The following COA7 variants were observed in gnomAD, a reference collection of about 807,000 sequenced individuals.
COA7 encodes Sel1 repeat containing 1.
COA7 carries 12 observed loss-of-function variants against 21.0 expected under a neutral mutation model. The observed-to-expected ratio is 0.57, with a 90% CI of 0.37 to 0.92. COA7 has a LOEUF of 0.92. Among genes scored for constraint, COA7 ranks in the 40% least tolerant of loss-of-function variants. The pLI, the probability that COA7 is intolerant of heterozygous loss-of-function variation, is 0.01. For synonymous variants in COA7, 95 were observed against 107.4 expected, an observed-to-expected ratio of 0.88 and a Z score of 0.72; for missense variants, 240 against 286.1, an observed-to-expected ratio of 0.84 and a Z score of 1.16.
chr1:52,688,866 C>T lies in COA7; in HGVS notation c.248-698G>A, dbSNP rs535229124. Among the ~76,000 whole-genome samples the T allele has an allele frequency of 3.3e-5, 5 of 152,180 alleles. No homozygotes were observed. The East Asian group carries it at 5.8e-4, about 18-fold the overall frequency. On this transcript the variant is annotated intron_variant, in intron 2 of 2. Coordinates refer to ENST00000371538, the MANE Select transcript of COA7 (RefSeq NM_023077.3). ...TAATAATATCTACCTCATGGGGTTACAGTGAGAACATGGCATATGACAAGC... is the reference window on the plus strand; with the variant it reads ...TAATAATATCTACCTCATGGGGTTATAGTGAGAACATGGCATATGACAAGC...
In COA7 at chr1:52,686,330, C is replaced by G. The variant is rs992769491; in HGVS notation, c.*1390G>C. ...TCATTTACACAGCAAGCCTTCCTTT[C>G]AGGACGGCTGCAAAACGGAAGCCTA... On this transcript the variant is annotated 3_prime_UTR_variant, in exon 3 of 3. Transcript: ENST00000371538. 1.3e-5 allele frequency: 2 copies of G among 152,236 alleles called. No individual in the cohort carries two copies. Among genetic ancestry groups the G allele is most frequent in the African/African-American group, 4.8e-5 (2 of 41,460 alleles). 9.4% of individuals were successfully genotyped at this position (152,236 alleles called of 1,614,324 possible).
intron 2 of COA7, among the ~76,000 whole-genome samples, chr1:52,691,968 T>C (rs917812521): frequency 1.3e-5 from 2 of 152,248 alleles, no homozygotes; most frequent in African/African-American, 4.8e-5. Flanking sequence ...TTACTCACTC[T>C]GGGGGAACCC....
chr1:52,687,259 T>G lies in COA7; in HGVS notation c.*461A>C, dbSNP rs752997220. On this transcript the variant is annotated 3_prime_UTR_variant, in exon 3 of 3. Coordinates refer to ENST00000371538, the MANE Select transcript of COA7 (RefSeq NM_023077.3). ...CAATTACGTAAACCAAGATACGTTC[T>G]GATTTTCAAGCCATCCTAACCAAAA... The G allele has an allele frequency of 6.1e-6, 1 of 165,124 alleles. No individual in the cohort carries two copies. The highest frequency in any genetic ancestry group is 1.6e-4 in the South Asian group (1 of 6,338). 10.2% of individuals were successfully genotyped at this position (165,124 alleles called of 1,614,324 possible). A position where few individuals can be genotyped will look rare whatever the true frequency, so the allele number is the denominator to read the frequency against.
At chr1:52,690,026 C>CA (rs1274702331) in intron 2 of COA7, among the ~76,000 whole-genome samples, 1,519 of 101,272 alleles carry the variant, frequency 0.015, 25 homozygotes, top group African/African-American at 0.047. Flanking sequence ...AACTCTGTCT[C>CA]AAAAAAAAAA....
chr1:52,689,826 C>T (rs947438751), intron 2 of COA7, among the ~76,000 whole-genome samples: 2 of 151,882 alleles, frequency 1.3e-5, no homozygotes, highest in African/African-American at 4.8e-5. Context: ...GAGTTCGAGA[C>T]CAGCCTGGCC....
At chr1:52,694,352 TCGGGAGG>T (rs1406389683) in intron 1 of COA7, among the ~76,000 whole-genome samples, 1 of 151,326 alleles carries the variant, frequency 6.6e-6, no homozygotes, top group Admixed American at 6.6e-5. Flanking sequence ...TCCCAGCTAC[TCGGGAGG>T]CTGAGGCAGA....
At chr1:52,689,608 G>A (rs1457589694) in intron 2 of COA7, among the ~76,000 whole-genome samples, 1 of 152,008 alleles carries the variant, frequency 6.6e-6, no homozygotes, top group Non-Finnish European at 1.5e-5. Context: ...ATACACAGGA[G>A]GCCAGGCGTG....
intron 2 of COA7, among the ~76,000 whole-genome samples, chr1:52,690,667 CATTTATTTATTT>C (rs59584460): frequency 2.7e-5 from 4 of 149,500 alleles, no homozygotes; most frequent in Non-Finnish European, 5.9e-5. Context: ...CATTTATTTA[CATTTATTTATTT>C]ATTTATTTAT....
At position 52,694,461 on chromosome 1, in the gene COA7, G is replaced by GGAAAAAAAAAAAAAAAAAAAAAACAAAA. The variant is rs751466526; in HGVS notation, c.107-1595_107-1594insTTTTGTTTTTTTTTTTTTTTTTTTTTTC. The stretch of plus-strand genomic sequence containing the variant: ...GGCAACAAGAGCAAAACTCCATCTC[G>GGAAAAAAAAAAAAAAAAAAAAAACAAAA]AAAAAAAAAAAAAAAAAAAAGCCCA... On this transcript the variant is annotated intron_variant, in intron 1 of 2. Coordinates refer to ENST00000371538, the MANE Select transcript of COA7 (RefSeq NM_023077.3). Among the ~76,000 whole-genome samples, 2 of 65,000 alleles carry GGAAAAAAAAAAAAAAAAAAAAAACAAAA rather than the reference G, an allele frequency of 3.1e-5. 1 individual carries two copies. The allele number at this position is 65,000 out of a possible 152,430, so 42.6% of individuals were successfully genotyped here.
Position 52,694,179 on chromosome 1 carries a change from G to A in COA7, c.107-1312C>T, listed in dbSNP as rs148249598. ...GTACAAGTGCATTATTTGGGTGATG[G>A]TTGGTTACATTAAAAGCCCAGACTT... On this transcript the variant is annotated intron_variant, in intron 1 of 2. Transcript: ENST00000371538. 3.5e-3 allele frequency among the ~76,000 whole-genome samples: 526 copies of A among 152,216 alleles called. 3 individuals are homozygous for A. Among genetic ancestry groups the A allele is most frequent in the African/African-American group, 0.012 (499 of 41,536 alleles).
intron 1 of COA7, among the ~76,000 whole-genome samples, chr1:52,694,882 G>A (rs1055716408): frequency 1.3e-5 from 2 of 152,168 alleles, no homozygotes; most frequent in Non-Finnish European, 2.9e-5. Flanking sequence ...CAAGGAGGAG[G>A]GTCAGGAAAT....
rs1339421398 is a variant in COA7 at position 52,685,423 on chromosome 1, T to C, written c.*2297A>G. ...CCTGTCTATCTTCTTTGCTGAGATA[T>C]GTTAAGGGTTTTGGCCTGTTTTTAA... On this transcript the variant is annotated 3_prime_UTR_variant, in exon 3 of 3. Coordinates refer to ENST00000371538, the MANE Select transcript of COA7 (RefSeq NM_023077.3). 6.6e-6 allele frequency: 1 copy of C among 152,238 alleles called. No homozygotes were observed. The highest frequency in any genetic ancestry group is 1.5e-5 in the Non-Finnish European group (1 of 68,036). The allele number at this position is 152,238 out of a possible 1,614,324, so 9.4% of individuals were successfully genotyped here.
intron 1 of COA7, among the ~76,000 whole-genome samples, chr1:52,696,069 C>T (rs934656864): frequency 1.3e-5 from 2 of 152,194 alleles, no homozygotes; most frequent in South Asian, 4.1e-4. Context: ...CCCAGCCCTC[C>T]AGACCTCCCC....
rs1436665944 is a variant in COA7 at position 52,687,215 on chromosome 1, T to C, written c.*505A>G. On this transcript the variant is annotated 3_prime_UTR_variant, in exon 3 of 3. Transcript: ENST00000371538. ...GTGGTAGTTGTGACTATTTAACTGT[T>C]CTTAGTTCTTTAAGACCTCAATTAC... 1 of 161,684 alleles carries C rather than the reference T, an allele frequency of 6.2e-6. No homozygotes were observed. Among genetic ancestry groups the C allele is most frequent in the Non-Finnish European group, 1.4e-5 (1 of 72,880 alleles). The allele number at this position is 161,684 out of a possible 1,614,324, so 10.0% of individuals were successfully genotyped here.
rs1643991262 is a variant in COA7 at position 52,684,969 on chromosome 1, G to A, written c.*2751C>T. Reference sequence around the variant, plus strand: ...GATAACTCATAATTTGTCATAGCTTGATTTAAGCACTGAATAATGACTACA... The same window carrying A: ...GATAACTCATAATTTGTCATAGCTTAATTTAAGCACTGAATAATGACTACA... On this transcript the variant is annotated 3_prime_UTR_variant, in exon 3 of 3. Coordinates refer to ENST00000371538, the MANE Select transcript of COA7 (RefSeq NM_023077.3). 6.6e-6 allele frequency: 1 copy of A among 152,276 alleles called. No homozygotes were observed. The highest frequency in any genetic ancestry group is 6.5e-5 in the Admixed American group (1 of 15,276). 9.4% of individuals were successfully genotyped at this position (152,276 alleles called of 1,614,324 possible). A position where few individuals can be genotyped will look rare whatever the true frequency, so the allele number is the denominator to read the frequency against.
rs1306058488 is a variant in COA7 at position 52,685,314 on chromosome 1, T to C, written c.*2406A>G. ...GTGCTTTGGATTTTGGCCATTCTAATAGTTGTATAGTGGTCTGTTGTTCTA... is the reference window on the plus strand; with the variant it reads ...GTGCTTTGGATTTTGGCCATTCTAACAGTTGTATAGTGGTCTGTTGTTCTA... On this transcript the variant is annotated 3_prime_UTR_variant, in exon 3 of 3. Coordinates refer to ENST00000371538, the MANE Select transcript of COA7 (RefSeq NM_023077.3). 1.3e-5 allele frequency: 2 copies of C among 152,228 alleles called. No individual in the cohort carries two copies. The highest frequency in any genetic ancestry group is 2.4e-5 in the African/African-American group (1 of 41,456). 9.4% of individuals were successfully genotyped at this position (152,228 alleles called of 1,614,324 possible).
rs113687679 is a variant in COA7 at position 52,692,640 on chromosome 1, C to A, written c.247+87G>T. ...ATGCACTTTCCCAATGCCTGCGAGA[C>A]CCTTCTGCAAGAGCTTATCATGGGG... On this transcript the variant is annotated intron_variant, in intron 2 of 2. Coordinates refer to ENST00000371538, the MANE Select transcript of COA7 (RefSeq NM_023077.3). 3,981 of 1,492,748 alleles carry A rather than the reference C, an allele frequency of 2.7e-3. 78 individuals are homozygous for A. In the African/African-American group the frequency reaches 0.048, roughly 18 times the overall value. The allele number at this position is 1,492,748 out of a possible 1,614,324, so 92.5% of individuals were successfully genotyped here.
intron 1 of COA7, among the ~76,000 whole-genome samples, chr1:52,697,349 C>T (rs1644091327): frequency 6.6e-6 from 1 of 152,226 alleles, no homozygotes; most frequent in African/African-American, 2.4e-5. Flanking sequence ...ACTCTTAAGT[C>T]AATTCAATGT....
chr1:52,695,526 C>T (rs1571719923), intron 1 of COA7, among the ~76,000 whole-genome samples: 1 of 151,920 alleles, frequency 6.6e-6, no homozygotes, highest in African/African-American at 2.4e-5. Context: ...CCAACAAAAA[C>T]GTTACTCTGG....
Sources: gnomAD v4.1 joint callset for allele counts (sites outside exome capture counted in the v4.1 genomes callset) on GRCh38, gnomAD v4.1.1 for gene constraint, MANE v1.5 for transcripts, NCBI Gene and HGNC (gene_info 2026-07-23, HGNC 2026-07-21) for gene names.